ZNF438: variants seen among roughly 807,000 people sequenced by gnomAD.
ZNF438 encodes zinc finger protein 438.
Under a neutral mutation model 38.0 loss-of-function variants are expected in ZNF438, and 25 were observed. The ratio of observed to expected loss-of-function variants is 0.66; its 90% confidence interval spans 0.48 to 0.92. The LOEUF is 0.92. ZNF438 is among the 40% of genes least tolerant of loss of function. ZNF438 has a pLI of 0.00. For missense variants in ZNF438, 1,007 were observed against 999.6 expected (o/e 1.01, Z -0.10); for synonymous variants, 372 against 364.1 (o/e 1.02, Z -0.25).
intron 4 of ZNF438, among the ~76,000 whole-genome samples, chr10:30,870,401 C>CT (rs2037205898): frequency 6.7e-6 from 1 of 148,302 alleles, no homozygotes; most frequent in African/African-American, 2.5e-5. Flanking sequence ...AACACGCATC[C>CT]TTTTTACATT....
intron 2 of ZNF438, among the ~76,000 whole-genome samples, chr10:30,927,976 G>T (rs369693728): frequency 6.6e-6 from 1 of 152,080 alleles, no homozygotes; most frequent in African/African-American, 2.4e-5. Context: ...AAGTTACATT[G>T]GCAAGAAAAA....
At position 30,878,468 on chromosome 10, in the gene ZNF438, A is replaced by C. The variant is rs1477856343; in HGVS notation, c.-31-1403T>G. On this transcript the variant is annotated intron_variant, in intron 3 of 5. Transcript: ENST00000413025. Reference sequence around the variant, plus strand: ...CTCCTCTCTCCACTGAGAGACATCCATCGCTAAATAAAATTATCTGCCTCC... The same window carrying C: ...CTCCTCTCTCCACTGAGAGACATCCCTCGCTAAATAAAATTATCTGCCTCC... Among the ~76,000 whole-genome samples the C allele has an allele frequency of 3.9e-5, 6 of 152,042 alleles. No individual in the cohort carries two copies. The South Asian group carries it at 1.0e-3, about 26-fold the overall frequency.
chr10:30,894,983 T>C (rs1041562672), intron 3 of ZNF438, among the ~76,000 whole-genome samples: 3 of 152,220 alleles, frequency 2.0e-5, no homozygotes, highest in African/African-American at 7.2e-5. Flanking sequence ...AAGTTAACCT[T>C]ACAACAAAAA....
chr10:30,988,227 A>G (rs1388476637), intron 1 of ZNF438, among the ~76,000 whole-genome samples: 1 of 152,126 alleles, frequency 6.6e-6, no homozygotes, highest in Non-Finnish European at 1.5e-5. Context: ...TGAACTTACC[A>G]GGTACCTCAT....
At chr10:30,853,088 TAATA>T (rs763754594) in intron 4 of ZNF438, among the ~76,000 whole-genome samples, 10 of 152,198 alleles carry the variant, frequency 6.6e-5, no homozygotes, top group Non-Finnish European at 7.4e-5. Context: ...AGATGTGGCT[TAATA>T]AATAATTACA....
At chr10:30,874,114 GTATATATATATATATA>G (rs58422289) in intron 4 of ZNF438, among the ~76,000 whole-genome samples, 35 of 80,300 alleles carry the variant, frequency 4.4e-4, no homozygotes, top group South Asian at 2.0e-3. Flanking sequence ...GTGTGTGTGT[GTATATATATATATATA>G]TATATATATA....
intron 2 of ZNF438, among the ~76,000 whole-genome samples, chr10:30,939,125 C>A (rs1442341212): frequency 6.6e-6 from 1 of 152,206 alleles, no homozygotes; most frequent in Admixed American, 6.5e-5. Context: ...TTTGTTCCCA[C>A]TTCCTAGCCC....
chr10:30,984,039 TAACCCAGGGTAC>T, intron 1 of ZNF438, among the ~76,000 whole-genome samples: 1 of 152,198 alleles, frequency 6.6e-6, no homozygotes, highest in Non-Finnish European at 1.5e-5. Flanking sequence ...TTCCTAGGTA[TAACCCAGGGTAC>T]CATATTGCAT....
At chr10:30,965,713 A>T (rs1045409294) in intron 1 of ZNF438, among the ~76,000 whole-genome samples, 1 of 152,194 alleles carries the variant, frequency 6.6e-6, no homozygotes, top group Admixed American at 6.5e-5. Context: ...CATTACGTAC[A>T]CATGAACACA....
chr10:31,015,923 T>G (rs1449739664), intron 1 of ZNF438, among the ~76,000 whole-genome samples: 1 of 152,202 alleles, frequency 6.6e-6, no homozygotes, highest in Non-Finnish European at 1.5e-5. Context: ...ACCAGTTCTA[T>G]CTGATCAGGG....
intron 1 of ZNF438, among the ~76,000 whole-genome samples, chr10:30,989,038 A>G (rs1225816822): frequency 6.6e-6 from 1 of 152,316 alleles, no homozygotes; most frequent in East Asian, 1.9e-4. Flanking sequence ...CCTGAAAAAG[A>G]GGCAAGTCTA....
rs150712510 is a variant in ZNF438 at position 30,965,400 on chromosome 10, A to G, written c.-191-23749T>C. Among the ~76,000 whole-genome samples the G allele has an allele frequency of 4.0e-3, 606 of 152,364 alleles. 3 individuals carry two copies. The highest frequency in any genetic ancestry group is 0.017 in the Middle Eastern group (5 of 294). ...GAGAGTTCTCAAAGAACTTAAAAAC[A>G]GAACTACCATCCAACCAGCAATCCC... is the stretch of plus-strand genomic sequence containing the variant. On this transcript the variant is annotated intron_variant, in intron 1 of 5. Transcript: ENST00000413025.
intron 1 of ZNF438, among the ~76,000 whole-genome samples, chr10:31,025,228 G>T (rs1330759779): frequency 6.6e-6 from 1 of 152,202 alleles, no homozygotes; most frequent in East Asian, 1.9e-4. Context: ...AGATATTACA[G>T]AATTTCTCAA....
chr10:30,909,441 C>T (rs529011454), intron 2 of ZNF438, among the ~76,000 whole-genome samples: 8 of 152,110 alleles, frequency 5.3e-5, no homozygotes, highest in Non-Finnish European at 1.0e-4. Context: ...CTGAATAAAA[C>T]ACAGAACTCC....
At chr10:30,860,578 C>T (rs755355035) in intron 4 of ZNF438, among the ~76,000 whole-genome samples, 1 of 152,310 alleles carries the variant, frequency 6.6e-6, no homozygotes, top group Non-Finnish European at 1.5e-5. Context: ...TTGACACTCA[C>T]GCTGGTAGCT....
chr10:30,853,378 A>C (rs1045542835), intron 4 of ZNF438, among the ~76,000 whole-genome samples: 11 of 152,206 alleles, frequency 7.2e-5, no homozygotes, highest in African/African-American at 2.7e-4. Flanking sequence ...CAATGGCTTA[A>C]AAGGCCTCAT....
intron 3 of ZNF438, among the ~76,000 whole-genome samples, chr10:30,902,246 C>T (rs949652045): frequency 2.6e-5 from 4 of 152,118 alleles, no homozygotes; most frequent in Non-Finnish European, 4.4e-5. Context: ...TCACAGAGAG[C>T]TGATTGGTCC....
chr10:30,912,173 T>C (rs186003914), intron 2 of ZNF438, among the ~76,000 whole-genome samples: 1 of 152,184 alleles, frequency 6.6e-6, no homozygotes, highest in Admixed American at 6.5e-5. Flanking sequence ...TCTACAGAGT[T>C]GCCTAAATGT....
chr10:30,896,076 C>T (rs1447865062), intron 3 of ZNF438, among the ~76,000 whole-genome samples: 1 of 152,072 alleles, frequency 6.6e-6, no homozygotes, highest in African/African-American at 2.4e-5. Flanking sequence ...CCGAGAGGGG[C>T]AGATCATGTC....
Sources: allele counts gnomAD v4.1 joint callset (sites outside exome capture counted in the v4.1 genomes callset), GRCh38; gene constraint gnomAD v4.1.1; transcripts MANE v1.5; gene names NCBI Gene and HGNC (gene_info 2026-07-23, HGNC 2026-07-21).